ULK4: variants seen among roughly 807,000 people sequenced by gnomAD.
ULK4 encodes unc-51 like kinase 4.
In ULK4, 133 loss-of-function variants were observed where a neutral mutation model predicts 160.6. The observed-to-expected ratio is 0.83, with a 90% CI of 0.72 to 0.96. The LOEUF (loss-of-function observed/expected upper bound fraction) is 0.96, where lower values mean the gene tolerates loss of function less well. ULK4 is among the 40% of genes least tolerant of loss of function. ULK4 has a pLI of 0.00. For missense variants in ULK4, 1,580 were observed against 1,499.5 expected, an observed-to-expected ratio of 1.05 and a Z score of -0.89; for synonymous variants, 534 against 539.8, an observed-to-expected ratio of 0.99 and a Z score of 0.15.
In ULK4 at chr3:41,754,409, T is replaced by A. The variant is rs202201652; in HGVS notation, c.2273A>T (p.Tyr758Phe). 637 of 1,613,598 alleles carry A rather than the reference T, an allele frequency of 3.9e-4. No individual in the cohort carries two copies. Among genetic ancestry groups the A allele is most frequent in the Non-Finnish European group, 4.6e-4 (548 of 1,179,828 alleles). ...IRAKAFLVLL[Y>F]ILIYNREMLL... ...CATCTCACGGTTATAAATCAAAATA[T>A]ATAGAAGAACCAGGAAGGCTTTTGC... Residue 758 changes from tyrosine to phenylalanine, a missense_variant, in exon 22 of 37, where the codon TAT (tyrosine) becomes TTT (phenylalanine). By Grantham distance (22) the Tyr-to-Phe change is conservative (BLOSUM62 3). Transcript: ENST00000301831.
At chr3:41,251,956 G>A (rs2078750703) in intron 35 of ULK4, among the ~76,000 whole-genome samples, 1 of 152,152 alleles carries the variant, frequency 6.6e-6, no homozygotes, top group African/African-American at 2.4e-5. Flanking sequence ...TGTATGCATG[G>A]AACCGATCCC....
chr3:41,455,548 C>T lies in ULK4; in HGVS notation c.3441G>A (p.Leu1147=). ...CTGTCAGAGGTCTGTTGAGCAGCAG[C>T]AGGTCTTCTGCAGCCTGAGGGTCCT... The part of the protein sequence containing the change: ...SGEDPQAAED[L]LLLNRPLTDL... Residue 1147 remains leucine (L), a synonymous_variant, in exon 34 of 37, where the codon CTG becomes CTA. Transcript: ENST00000301831. 1.2e-6 allele frequency: 2 copies of T among 1,614,034 alleles called. No individual in the cohort carries two copies. The highest frequency in any genetic ancestry group is 1.7e-6 in the Non-Finnish European group (2 of 1,179,936).
chr3:41,932,316 C>G (rs986105096), intron 4 of ULK4, among the ~76,000 whole-genome samples: 12 of 152,186 alleles, frequency 7.9e-5, no homozygotes, highest in Non-Finnish European at 2.9e-5. Context: ...CTTGCCAACT[C>G]TCAGTGTCAG....
At chr3:41,544,689 A>G (rs926288706) in intron 32 of ULK4, among the ~76,000 whole-genome samples, 5 of 152,158 alleles carry the variant, frequency 3.3e-5, no homozygotes, top group Admixed American at 2.6e-4. Context: ...TGCCAGTACT[A>G]TTGACTTTCC....
At chr3:41,926,464 G>A (rs546787920) in intron 5 of ULK4, among the ~76,000 whole-genome samples, 9 of 152,098 alleles carry the variant, frequency 5.9e-5, no homozygotes, top group Admixed American at 2.6e-4. Flanking sequence ...ACAACTCCTC[G>A]CCAGCAAAGG....
At chr3:41,406,548 G>A (rs1220257235) in intron 34 of ULK4, among the ~76,000 whole-genome samples, 1 of 152,112 alleles carries the variant, frequency 6.6e-6, no homozygotes, top group Non-Finnish European at 1.5e-5. Context: ...TGTAAATTGG[G>A]CAGTTATCTC....
At chr3:41,801,891 T>C (rs549983646) in intron 19 of ULK4, among the ~76,000 whole-genome samples, 6 of 151,410 alleles carry the variant, frequency 4.0e-5, no homozygotes, top group East Asian at 1.9e-4. Flanking sequence ...AAGAAAACTT[T>C]ACAAGCAACT....
intron 21 of ULK4, among the ~76,000 whole-genome samples, chr3:41,763,568 T>C (rs77918157): frequency 0.043 from 6,563 of 152,314 alleles, 441 homozygotes; most frequent in African/African-American, 0.15. Flanking sequence ...TAATATTCCA[T>C]TGTGTGACTA....
At chr3:41,612,484 T>G (rs1034259852) in intron 31 of ULK4, among the ~76,000 whole-genome samples, 4 of 152,164 alleles carry the variant, frequency 2.6e-5, no homozygotes, top group Non-Finnish European at 5.9e-5. Flanking sequence ...AACGTGAACT[T>G]AGAGGGCCTA....
chr3:41,479,581 G>C (rs2084250604), intron 32 of ULK4, among the ~76,000 whole-genome samples: 1 of 152,152 alleles, frequency 6.6e-6, no homozygotes, highest in Admixed American at 6.5e-5. Context: ...GACAGGCTTG[G>C]TCAGTAAACA....
At chr3:41,567,810 A>C (rs2087836425) in intron 31 of ULK4, among the ~76,000 whole-genome samples, 2 of 152,076 alleles carry the variant, frequency 1.3e-5, no homozygotes, top group South Asian at 4.1e-4. Flanking sequence ...GCCTCTTGGT[A>C]TCTCTTAATT....
chr3:41,921,518 G>A (rs1433727309), intron 5 of ULK4, among the ~76,000 whole-genome samples: 1 of 152,202 alleles, frequency 6.6e-6, no homozygotes, highest in African/African-American at 2.4e-5. Context: ...AGGAGGCTGA[G>A]GCAGGAGAAT....
intron 32 of ULK4, among the ~76,000 whole-genome samples, chr3:41,546,731 A>G (rs1029056741): frequency 1.5e-5 from 2 of 136,808 alleles, no homozygotes; most frequent in Non-Finnish European, 3.0e-5. Context: ...CAAGACCTCT[A>G]TTTCTACTTA....
At chr3:41,527,602 A>G (rs546277638) in intron 32 of ULK4, among the ~76,000 whole-genome samples, 1 of 152,354 alleles carries the variant, frequency 6.6e-6, no homozygotes, top group East Asian at 1.9e-4. Context: ...TATCACCACA[A>G]TGTAATGTTG....
intron 35 of ULK4, among the ~76,000 whole-genome samples, chr3:41,387,085 T>C (rs2081831386): frequency 6.6e-6 from 1 of 152,158 alleles, no homozygotes; most frequent in Non-Finnish European, 1.5e-5. Context: ...ATTTCTTTTT[T>C]TGATAGACTT....
intron 34 of ULK4, among the ~76,000 whole-genome samples, chr3:41,413,980 G>A (rs576526970): frequency 3.0e-4 from 46 of 152,302 alleles, no homozygotes; most frequent in Non-Finnish European, 5.6e-4. Flanking sequence ...CGAGGCAGGC[G>A]GATCACCTGA....
chr3:41,397,688 T>C (rs1257204852), intron 35 of ULK4, among the ~76,000 whole-genome samples: 1 of 152,228 alleles, frequency 6.6e-6, no homozygotes, highest in East Asian at 1.9e-4. Context: ...AAAAAGGCTA[T>C]GAAAGTTACT....
At chr3:41,899,076 G>A (rs1698263762) in intron 13 of ULK4, 1 of 152,416 alleles carries the variant, frequency 6.6e-6, no homozygotes, top group Admixed American at 6.5e-5. Flanking sequence ...GAGGTAGAAG[G>A]TGGGTTGAGG....
At chr3:41,518,778 G>A (rs1009326882) in intron 32 of ULK4, among the ~76,000 whole-genome samples, 2 of 152,228 alleles carry the variant, frequency 1.3e-5, no homozygotes, top group Admixed American at 6.5e-5. Flanking sequence ...GTACGGGTAT[G>A]ACCTGCTTGA....
Sources: allele counts gnomAD v4.1 joint callset (sites outside exome capture counted in the v4.1 genomes callset), GRCh38; gene constraint gnomAD v4.1.1; transcripts MANE v1.5; gene names NCBI Gene and HGNC (gene_info 2026-07-23, HGNC 2026-07-21).